RPS6KC1: variants seen among roughly 807,000 people sequenced by gnomAD.
The protein encoded by RPS6KC1 is ribosomal protein S6 kinase C1, also known as inactive ribosomal protein S6 kinase delta-1.
In RPS6KC1, 54 loss-of-function variants were observed where a neutral mutation model predicts 103.8. The observed-to-expected ratio is 0.52, with a 90% CI of 0.42 to 0.65. The LOEUF is 0.65. Ranked by LOEUF, RPS6KC1 falls within the 30% of genes least tolerant of loss-of-function variation. The pLI is 0.00. For synonymous variants in RPS6KC1, 439 were observed against 438.7 expected (o/e 1.00, Z -0.01); for missense variants, 1,151 against 1,253.8 (o/e 0.92, Z 1.24).
At chr1:213,497,119 T>C in the RPS6KC1 span, among the ~76,000 whole-genome samples, 1 of 152,346 alleles carries the variant, frequency 6.6e-6, no homozygotes, top group African/African-American at 2.4e-5. Flanking sequence ...ATAATCAACT[T>C]TAATGTTTCT....
At chr1:213,547,284 A>G in the RPS6KC1 span, among the ~76,000 whole-genome samples, 2 of 152,234 alleles carry the variant, frequency 1.3e-5, no homozygotes, top group African/African-American at 2.4e-5. Context: ...AGCCTTACAG[A>G]TTGATTTTCC....
At chr1:213,831,050 C>G in the RPS6KC1 span, among the ~76,000 whole-genome samples, 2 of 152,172 alleles carry the variant, frequency 1.3e-5, no homozygotes, top group Non-Finnish European at 2.9e-5. Flanking sequence ...GGCTCCTATT[C>G]CTGCTCCACA....
At chr1:213,131,288 A>G (rs1412707071) in intron 6 of RPS6KC1, among the ~76,000 whole-genome samples, 1 of 152,124 alleles carries the variant, frequency 6.6e-6, no homozygotes, top group African/African-American at 2.4e-5. Context: ...TTGATTCTAA[A>G]TTCATTTCTC....
At chr1:213,781,070 A>G in the RPS6KC1 span, among the ~76,000 whole-genome samples, 1 of 152,188 alleles carries the variant, frequency 6.6e-6, no homozygotes, top group Non-Finnish European at 1.5e-5. Context: ...CTCAATCTAG[A>G]TTGAGAAAGA....
At chr1:213,751,260 G>A in the RPS6KC1 span, among the ~76,000 whole-genome samples, 1 of 152,088 alleles carries the variant, frequency 6.6e-6, no homozygotes, top group Admixed American at 6.5e-5. Flanking sequence ...GAACACAGGA[G>A]AGCATGCACA....
the RPS6KC1 span, among the ~76,000 whole-genome samples, chr1:213,406,228 G>A: frequency 6.6e-6 from 1 of 152,224 alleles, no homozygotes; most frequent in Admixed American, 6.5e-5. Flanking sequence ...GCAGGCTGCA[G>A]GAGGGATGCG....
chr1:213,589,283 GGAA>G, the RPS6KC1 span, among the ~76,000 whole-genome samples: 1 of 152,162 alleles, frequency 6.6e-6, no homozygotes, highest in Non-Finnish European at 1.5e-5. Context: ...GATGGACCTA[GGAA>G]GAAGGTTGGT....
chr1:213,860,384 G>T, the RPS6KC1 span, among the ~76,000 whole-genome samples: 2 of 149,266 alleles, frequency 1.3e-5, no homozygotes, highest in Non-Finnish European at 3.0e-5. Context: ...ATTCTTGAGT[G>T]GCAAAATTGT....
the RPS6KC1 span, among the ~76,000 whole-genome samples, chr1:213,610,688 T>C: frequency 6.6e-6 from 1 of 152,352 alleles, no homozygotes; most frequent in East Asian, 1.9e-4. Flanking sequence ...CAGTAATTGT[T>C]TAAGGGGCTT....
intron 6 of RPS6KC1, among the ~76,000 whole-genome samples, chr1:213,144,299 AG>A (rs1410170362): frequency 6.6e-6 from 1 of 152,062 alleles, no homozygotes; most frequent in Non-Finnish European, 1.5e-5. Flanking sequence ...TTTTAGAGAC[AG>A]GGTCTTGCCT....
chr1:213,774,946 A>G, the RPS6KC1 span, among the ~76,000 whole-genome samples: 1 of 152,224 alleles, frequency 6.6e-6, no homozygotes, highest in Admixed American at 6.5e-5. Flanking sequence ...TAAGATGGCA[A>G]ACATATAGAA....
At chr1:213,569,959 G>A in the RPS6KC1 span, among the ~76,000 whole-genome samples, 38 of 152,306 alleles carry the variant, frequency 2.5e-4, no homozygotes, top group African/African-American at 8.2e-4. Context: ...CTCTTTGATC[G>A]ATAAATGTAA....
chr1:213,351,384 A>C, the RPS6KC1 span, among the ~76,000 whole-genome samples: 1 of 152,248 alleles, frequency 6.6e-6, no homozygotes, highest in East Asian at 1.9e-4. Context: ...TTGCAAATAC[A>C]CAGCAATTTT....
At chr1:213,815,293 G>A in the RPS6KC1 span, among the ~76,000 whole-genome samples, 134 of 152,190 alleles carry the variant, frequency 8.8e-4, no homozygotes, top group African/African-American at 2.9e-3. Context: ...CAGTTTCTTC[G>A]ATGCAGTGTG....
chr1:213,592,598 G>C, the RPS6KC1 span, among the ~76,000 whole-genome samples: 1 of 152,178 alleles, frequency 6.6e-6, no homozygotes, highest in Non-Finnish European at 1.5e-5. Context: ...AATCTCTGTA[G>C]AGACTTAAAT....
chr1:213,776,131 G>T, the RPS6KC1 span, among the ~76,000 whole-genome samples: 159 of 152,104 alleles, frequency 1.0e-3, 1 homozygote, highest in African/African-American at 3.8e-3. Context: ...CATCCATGAG[G>T]GTTTGAATCA....
chr1:213,206,194 C>CT (rs1216708066), intron 8 of RPS6KC1, among the ~76,000 whole-genome samples: 3 of 152,130 alleles, frequency 2.0e-5, no homozygotes, highest in Non-Finnish European at 4.4e-5. Context: ...ATAGGACAAC[C>CT]TTTAAGTAAT....
the RPS6KC1 span, among the ~76,000 whole-genome samples, chr1:213,493,996 G>C: frequency 6.6e-6 from 1 of 152,080 alleles, no homozygotes. Flanking sequence ...TCAGAAATCT[G>C]GGTGTAGAGG....
At chr1:213,346,733 C>T in the RPS6KC1 span, among the ~76,000 whole-genome samples, 3 of 151,946 alleles carry the variant, frequency 2.0e-5, no homozygotes, top group African/African-American at 7.3e-5. Flanking sequence ...ACTGTATGTG[C>T]ACATGTAAGT....
Sources: allele counts gnomAD v4.1 joint callset (sites outside exome capture counted in the v4.1 genomes callset), GRCh38; gene constraint gnomAD v4.1.1; transcripts MANE v1.5; gene names NCBI Gene and HGNC (gene_info 2026-07-23, HGNC 2026-07-21).